Variants in RTL9 observed in about 807,000 individuals in gnomAD.
RTL9 encodes retrotransposon Gag-like protein 9.
In RTL9, 19 loss-of-function variants were observed where a neutral mutation model predicts 44.7. The ratio of observed to expected loss-of-function variants is 0.42; its 90% CI spans 0.30 to 0.62. RTL9 has a LOEUF of 0.62. Among genes scored for constraint, RTL9 ranks in the 20% least tolerant of loss-of-function variants. RTL9 has a pLI of 0.16. For synonymous variants in RTL9, 407 were observed against 398.9 expected, an observed-to-expected ratio of 1.02 and a Z score of -0.24; for missense variants, 1,105 against 1,080.6, an observed-to-expected ratio of 1.02 and a Z score of -0.32.
intron 1 of RTL9, among the ~76,000 whole-genome samples, chrX:110,413,391 A>G (rs757792146): frequency 1.8e-5 from 2 of 110,855 alleles, no homozygotes; most frequent in East Asian, 5.7e-4. Flanking sequence ...TCTGTGCTCT[A>G]GCTTCCCCTG....
At position 110,451,888 on chromosome X, in the gene RTL9, T is replaced by C. The variant is rs749124276; in HGVS notation, c.1271T>C (p.Met424Thr). ...ATGGGAGCCCCAGCCTCTGGAAATA[T>C]GTCTACATTGCAAAAGACAGTTCCA... Residue 424 changes from methionine to threonine, a missense_variant, in exon 1 of 2, where the codon ATG (methionine) becomes ACG (threonine). Met to Thr is a moderately conservative substitution (Grantham distance 81). Transcript: ENST00000540313. The C allele has an allele frequency of 1.8e-5, 22 of 1,209,743 alleles. No individual in the cohort carries two copies. The highest frequency in any genetic ancestry group is 7.0e-5 in the African/African-American group (4 of 57,065).
chrX:110,408,538 C>G (rs186841372), intron 1 of RTL9, among the ~76,000 whole-genome samples: 1 of 112,166 alleles, frequency 8.9e-6, no homozygotes, highest in Non-Finnish European at 1.9e-5. Context: ...ATGTTTTATA[C>G]CTAAGCATAA....
chrX:110,417,392 G>A (rs1337034012), upstream of RTL9, among the ~76,000 whole-genome samples: 2 of 112,614 alleles, frequency 1.8e-5, no homozygotes, highest in African/African-American at 6.5e-5. Context: ...GCTAGGCTAG[G>A]CAGCAAGAGA....
exon 1 of RTL9, chrX:110,451,355 A>C: frequency 8.3e-7 from 1 of 1,212,004 alleles, no homozygotes; most frequent in Non-Finnish European, 1.1e-6. Flanking sequence ...CCAAAGTGCT[A>C]ATGACTGCTC....
chrX:110,430,364 T>A (rs370695664), intron 1 of RTL9, among the ~76,000 whole-genome samples: 4 of 112,630 alleles, frequency 3.6e-5, no homozygotes, highest in African/African-American at 9.7e-5. Flanking sequence ...AAGTGCTTTG[T>A]GTGTATTAAC....
intron 1 of RTL9, among the ~76,000 whole-genome samples, chrX:110,386,950 A>T (rs1044607521): frequency 8.9e-6 from 1 of 112,447 alleles, no homozygotes; most frequent in Non-Finnish European, 1.9e-5. Context: ...AACAGAAAAG[A>T]TGCCACAGAG....
At chrX:110,360,974 T>A (rs1027711625) in intron 1 of RTL9, among the ~76,000 whole-genome samples, 1 of 111,660 alleles carries the variant, frequency 9.0e-6, no homozygotes, top group Non-Finnish European at 1.9e-5. Context: ...CTTCGTGGCT[T>A]AATATACTAT....
At chrX:110,382,146 T>C (rs1307964707) in intron 1 of RTL9, among the ~76,000 whole-genome samples, 3 of 112,165 alleles carry the variant, frequency 2.7e-5, no homozygotes, top group African/African-American at 9.7e-5. Flanking sequence ...TTGGTCAGAA[T>C]TCTCTCTTTG....
upstream of RTL9, among the ~76,000 whole-genome samples, chrX:110,448,180 G>A (rs182169325): frequency 9.0e-6 from 1 of 111,165 alleles, no homozygotes; most frequent in East Asian, 2.9e-4. Flanking sequence ...CACCATTACA[G>A]GGCTCTATTA....
intron 1 of RTL9, among the ~76,000 whole-genome samples, chrX:110,402,537 A>G (rs771505894): frequency 8.9e-6 from 1 of 112,578 alleles, no homozygotes; most frequent in Non-Finnish European, 1.9e-5. Flanking sequence ...CAGCTGACTG[A>G]GAGCTGTGTC....
chrX:110,435,442 T>G (rs5942927), intron 1 of RTL9, among the ~76,000 whole-genome samples: 21,687 of 111,782 alleles, frequency 0.19, 4,891 homozygotes, highest in African/African-American at 0.65. Flanking sequence ...TTCAAGCTCC[T>G]GTCTGTGCAA....
chrX:110,367,940 T>C (rs2068308495), intron 1 of RTL9, among the ~76,000 whole-genome samples: 1 of 108,536 alleles, frequency 9.2e-6, no homozygotes, highest in Non-Finnish European at 1.9e-5. Flanking sequence ...TTCCCAGTAG[T>C]TGGAACTACA....
chrX:110,366,335 T>C (rs928794257), intron 1 of RTL9, among the ~76,000 whole-genome samples: 1 of 111,881 alleles, frequency 8.9e-6, no homozygotes, highest in African/African-American at 3.3e-5. Context: ...GAGTCCTTAA[T>C]AGGTCAACAG....
At chrX:110,408,256 C>T in intron 1 of RTL9, among the ~76,000 whole-genome samples, 1 of 112,003 alleles carries the variant, frequency 8.9e-6, no homozygotes, top group South Asian at 3.7e-4. Context: ...AGTTGGGAGC[C>T]TGGGAAGAAC....
intron 1 of RTL9, among the ~76,000 whole-genome samples, chrX:110,373,411 G>C (rs1213333824): frequency 1.8e-5 from 2 of 111,609 alleles, no homozygotes; most frequent in Non-Finnish European, 3.8e-5. Context: ...CTCAGAGCAG[G>C]AACACAATGA....
upstream of RTL9, among the ~76,000 whole-genome samples, chrX:110,415,893 G>A (rs926171450): frequency 1.8e-5 from 2 of 110,547 alleles, no homozygotes; most frequent in East Asian, 5.6e-4. Context: ...TGCCTTTTCT[G>A]GCTCTTGAAT....
At chrX:110,406,589 C>A (rs1569423414) in intron 1 of RTL9, among the ~76,000 whole-genome samples, 1 of 111,981 alleles carries the variant, frequency 8.9e-6, no homozygotes, top group Non-Finnish European at 1.9e-5. Flanking sequence ...GTCTTTATAG[C>A]AGCATGATTT....
At chrX:110,375,767 G>T (rs950958304) in intron 1 of RTL9, among the ~76,000 whole-genome samples, 1 of 112,029 alleles carries the variant, frequency 8.9e-6, no homozygotes, top group African/African-American at 3.3e-5. Context: ...GAAATCATAA[G>T]TGGGCTAATG....
At chrX:110,386,167 A>C (rs189761525) in intron 1 of RTL9, among the ~76,000 whole-genome samples, 1 of 110,805 alleles carries the variant, frequency 9.0e-6, no homozygotes, top group East Asian at 2.8e-4. Flanking sequence ...TTGCTGGATC[A>C]TATGGTAACA....
Sources: gnomAD v4.1 joint callset for allele counts (sites outside exome capture counted in the v4.1 genomes callset) on GRCh38, gnomAD v4.1.1 for gene constraint, MANE v1.5 for transcripts, NCBI Gene and HGNC (gene_info 2026-07-23, HGNC 2026-07-21) for gene names.